Variants in CFAP46 observed in about 807,000 individuals in gnomAD.
The protein encoded by CFAP46 is cilia and flagella associated protein 46.
A neutral mutation model predicts 325.7 loss-of-function variants in CFAP46; 245 were observed. That is an observed-to-expected ratio of 0.75 (90% CI 0.68 to 0.84). The LOEUF is 0.84. Ranked by LOEUF, CFAP46 falls within the 40% of genes least tolerant of loss-of-function variation. The pLI is 0.00. For synonymous variants in CFAP46, 1,523 were observed against 1,495.9 expected, an observed-to-expected ratio of 1.02 and a Z score of -0.42; for missense variants, 3,346 against 3,543.0, an observed-to-expected ratio of 0.94 and a Z score of 1.41.
rs1399448014 is a variant in CFAP46, at chr10:132,828,006, C to G, written c.7117+5352G>C. 6.6e-6 allele frequency among the ~76,000 whole-genome samples: 1 copy of G among 152,148 alleles called. No individual in the cohort carries two copies. The highest frequency in any genetic ancestry group is 1.5e-5 in the Non-Finnish European group (1 of 68,026). ...TCCTTCTGAGCCCCGTCTACGCTGT[C>G]CCACGCACCAACAGCTCGCCCCTCA... On this transcript the variant is annotated intron_variant, in intron 50 of 57. Coordinates refer to ENST00000368586, the MANE Select transcript of CFAP46 (RefSeq NM_001200049.3). The surrounding 1 kb of genome is among the most constrained non-coding windows in gnomAD (Gnocchi z 4.9).
chr10:132,836,828 G>A lies in CFAP46; in HGVS notation c.6525C>T (p.Leu2175=). ...PPTFWILFLH[L]SGDRSRLYGA... is the part of the protein sequence containing the mutation. Reference sequence around the variant, plus strand: ...AGGAGCGGCTTTACCTGTCCCCTGAGAGGTGCAGAAAGAGGATCCAAAAGG... The same window carrying A: ...AGGAGCGGCTTTACCTGTCCCCTGAAAGGTGCAGAAAGAGGATCCAAAAGG... Residue 2175 remains leucine (L), a synonymous_variant, in exon 45 of 58, where the codon CTC becomes CTT. Coordinates refer to ENST00000368586, the MANE Select transcript of CFAP46 (RefSeq NM_001200049.3). 6.2e-7 allele frequency: 1 copy of A among 1,613,548 alleles called. No individual in the cohort carries two copies. The highest frequency in any genetic ancestry group is 8.5e-7 in the Non-Finnish European group (1 of 1,179,798).
intron 13 of CFAP46, among the ~76,000 whole-genome samples, chr10:132,921,534 C>T (rs1226312820): frequency 1.3e-5 from 2 of 152,218 alleles, no homozygotes; most frequent in Admixed American, 6.5e-5. Flanking sequence ...CAGGGAGCCC[C>T]GTCCTGTGCC....
At chr10:132,840,210 A>G (rs1848327299) in intron 44 of CFAP46, among the ~76,000 whole-genome samples, 1 of 152,126 alleles carries the variant, frequency 6.6e-6, no homozygotes, top group African/African-American at 2.4e-5. Context: ...TATGTTGAGG[A>G]GTTGGTCCAT....
intron 44 of CFAP46, among the ~76,000 whole-genome samples, chr10:132,841,010 G>C (rs572967082): frequency 1.4e-4 from 22 of 152,240 alleles, no homozygotes; most frequent in Admixed American, 1.1e-3. Flanking sequence ...CCGCTCCCAG[G>C]ATAACCCCTG....
intron 20 of CFAP46, 77 bp downstream of exon 20, chr10:132,909,842 C>A: frequency 7.5e-7 from 1 of 1,327,108 alleles, no homozygotes; most frequent in Non-Finnish European, 9.7e-7. Flanking sequence ...CCCGGGGGCC[C>A]CACCACCCCC....
chr10:132,810,740 C>T (rs767703463), intron 56 of CFAP46: 8 of 725,058 alleles, frequency 1.1e-5, no homozygotes, highest in South Asian at 4.5e-5. Flanking sequence ...ACCCGGCTCC[C>T]GTGGGCTGGT....
At chr10:132,923,110 G>T (rs534090020) in intron 11 of CFAP46, among the ~76,000 whole-genome samples, 1 of 152,342 alleles carries the variant, frequency 6.6e-6, no homozygotes, top group African/African-American at 2.4e-5. Context: ...GCCGTGCGGA[G>T]CAGCCCAACC....
Position 132,919,555 on chromosome 10 carries a change from C to T in CFAP46, c.1731-113G>A. Reference sequence around the variant, plus strand: ...AAAGGCCACTGTGGCTCTGCAGTTTCAAGGTGGCAAGGAGCCCGGCACTCG... The same window carrying T: ...AAAGGCCACTGTGGCTCTGCAGTTTTAAGGTGGCAAGGAGCCCGGCACTCG... On this transcript the variant is annotated intron_variant, in intron 14 of 57. Coordinates refer to ENST00000368586, the MANE Select transcript of CFAP46 (RefSeq NM_001200049.3). This position sits in a 1 kb window ranked among gnomAD's most constrained non-coding sequence, Gnocchi z 9.7. The T allele has an allele frequency of 7.3e-7, 1 of 1,369,496 alleles. No homozygotes were observed. Among genetic ancestry groups the T allele is most frequent in the Middle Eastern group, 2.0e-4 (1 of 5,002 alleles). 84.8% of individuals were successfully genotyped at this position (1,369,496 alleles called of 1,614,324 possible).
intron 22 of CFAP46, among the ~76,000 whole-genome samples, chr10:132,904,058 C>T (rs1033665060): frequency 1.3e-5 from 2 of 152,214 alleles, no homozygotes; most frequent in Admixed American, 6.5e-5. Flanking sequence ...GTGTAAAATG[C>T]TATCATAAAA....
chr10:132,936,674 C>T (rs1850013288), intron 7 of CFAP46, among the ~76,000 whole-genome samples: 1 of 152,210 alleles, frequency 6.6e-6, no homozygotes, highest in Non-Finnish European at 1.5e-5. Context: ...ACACCATGAT[C>T]TCCTCCTACA....
rs139330589 is a variant in CFAP46 at position 132,812,804 on chromosome 10, C to A, written c.7482G>T (p.Leu2494Phe). The change falls in exon 55 of 58, where the codon TTG (leucine) becomes TTT (phenylalanine). Residue 2494 changes from leucine (L) to phenylalanine (F), a missense_variant. Leu to Phe is a conservative substitution (Grantham distance 22, BLOSUM62 0). Coordinates refer to ENST00000368586, the MANE Select transcript of CFAP46 (RefSeq NM_001200049.3). ...SFLSHILVER[L>F]VAMNLQECQV... ...TCTCACCTTGCAAGTTCATGGCGAC[C>A]AATCTCTCCACTAATATATGGGACA... 1 of 1,612,078 alleles carries A rather than the reference C, an allele frequency of 6.2e-7. No homozygotes were observed. Among genetic ancestry groups the A allele is most frequent in the Admixed American group, 1.7e-5 (1 of 59,980 alleles).
intron 35 of CFAP46, 54 bp downstream of exon 35, chr10:132,865,971 C>A: frequency 7.0e-7 from 1 of 1,423,836 alleles, no homozygotes. Flanking sequence ...CTCCACTGTG[C>A]ACAGTGCGCT....
rs374765189 is a variant in CFAP46, at chr10:132,886,391, C to T, written c.3305-432G>A. 3.3e-5 allele frequency among the ~76,000 whole-genome samples: 5 copies of T among 152,296 alleles called. No homozygotes were observed. Among genetic ancestry groups the T allele is most frequent in the African/African-American group, 7.2e-5 (3 of 41,560 alleles). On this transcript the variant is annotated intron_variant, in intron 25 of 57. Coordinates refer to ENST00000368586, the MANE Select transcript of CFAP46 (RefSeq NM_001200049.3). This position sits in a 1 kb window ranked among gnomAD's most constrained non-coding sequence, Gnocchi z 5.8. ...GTCCTCATGCTTGGTGCCCGCAGCA[C>T]GGGAACAATCCCCGAGTCTCCACGC...
rs1849682472 is a variant in CFAP46, at chr10:132,919,204, C to T, written c.1858+111G>A. 1 of 1,170,694 alleles carries T rather than the reference C, an allele frequency of 8.5e-7. No homozygotes were observed. 72.5% of individuals were successfully genotyped at this position (1,170,694 alleles called of 1,614,324 possible). A position where few individuals can be genotyped will look rare whatever the true frequency, so the allele number is the denominator to read the frequency against. On this transcript the variant is annotated intron_variant, in intron 15 of 57. Transcript: ENST00000368586. This position sits in a 1 kb window ranked among gnomAD's most constrained non-coding sequence, Gnocchi z 9.7. ...GCTACCATTGTGACTTAGCAATACG[C>T]TTTCTCATGCGAAGGCCCCATGGGT...
rs1438834175 is a variant in CFAP46, at chr10:132,821,953, G to GTGTGTGCTGTGTGTGTGCTGA, written c.7118-7040_7118-7039insTCAGCACACACACAGCACACA. 2.6e-3 allele frequency among the ~76,000 whole-genome samples: 344 copies of GTGTGTGCTGTGTGTGTGCTGA among 130,014 alleles called. 4 individuals are homozygous for GTGTGTGCTGTGTGTGTGCTGA. The highest frequency in any genetic ancestry group is 0.012 in the South Asian group (39 of 3,314). The allele number at this position is 130,014 out of a possible 152,430, so 85.3% of individuals were successfully genotyped here. A position where few individuals can be genotyped will look rare whatever the true frequency, so the allele number is the denominator to read the frequency against. ...GCTGATGTGTGCTGTGTGTGCGCTT[G>GTGTGTGCTGTGTGTGTGCTGA]TGTGTGCTGTGTGTGCGCTGATGTG... is the stretch of plus-strand genomic sequence containing the variant. On this transcript the variant is annotated intron_variant, in intron 50 of 57. Coordinates refer to ENST00000368586, the MANE Select transcript of CFAP46 (RefSeq NM_001200049.3).
chr10:132,819,204 G>A (rs556774420), intron 50 of CFAP46, among the ~76,000 whole-genome samples: 3 of 152,324 alleles, frequency 2.0e-5, no homozygotes, highest in Admixed American at 6.5e-5. Flanking sequence ...TATCAAGTGA[G>A]AGATCTGTGC....
chr10:132,845,123 C>G (rs1441667264), intron 44 of CFAP46, among the ~76,000 whole-genome samples: 2 of 152,214 alleles, frequency 1.3e-5, no homozygotes, highest in African/African-American at 4.8e-5. Flanking sequence ...CCTCCTGGAC[C>G]CAGCTCCGGC....
intron 17 of CFAP46, 99 bp from the exon 18 acceptor site, chr10:132,913,357 GCAAGAAGT>G: frequency 1.1e-4 from 44 of 413,522 alleles, no homozygotes; most frequent in East Asian, 5.4e-4. Flanking sequence ...AGGCTGCAGG[GCAAGAAGT>G]GGGAGGGGCG....
intron 21 of CFAP46, 134 bp downstream of exon 21, chr10:132,909,003 G>T: frequency 1.5e-6 from 1 of 653,584 alleles, no homozygotes; most frequent in Non-Finnish European, 2.6e-6. Flanking sequence ...CAGCTCCGTT[G>T]GGAGGTGGGG....
Sources: allele counts gnomAD v4.1 joint callset (sites outside exome capture counted in the v4.1 genomes callset), GRCh38; gene constraint gnomAD v4.1.1; non-coding constraint Gnocchi (gnomAD v3.1); transcripts MANE v1.5; gene names NCBI Gene and HGNC (gene_info 2026-07-23, HGNC 2026-07-21).